The following BBS9 variants were observed in gnomAD, a reference collection of about 807,000 sequenced individuals.
BBS9 encodes the protein protein PTHB1.
BBS9 carries 89 observed loss-of-function variants against 117.7 expected under a neutral mutation model. The ratio of observed to expected loss-of-function variants is 0.76; its 90% CI spans 0.64 to 0.90. The LOEUF (loss-of-function observed/expected upper bound fraction) is 0.90, where lower values mean the gene tolerates loss of function less well. Among genes scored for constraint, BBS9 ranks in the 40% least tolerant of loss-of-function variants. The pLI is 0.00. For missense variants in BBS9, 982 were observed against 1,042.2 expected, an observed-to-expected ratio of 0.94 and a Z score of 0.80; for synonymous variants, 379 against 370.9, an observed-to-expected ratio of 1.02 and a Z score of -0.25.
At position 33,143,031 on chromosome 7, in the gene BBS9, G is replaced by A. The variant is rs181165657; in HGVS notation, c.-11-3211G>A. On this transcript the variant is annotated intron_variant, in intron 1 of 22. Coordinates refer to ENST00000242067, the MANE Select transcript of BBS9 (RefSeq NM_198428.3). Reference sequence around the variant, plus strand: ...GTCGCCCAGGCAGGAGTGCAGTGGCGCGATCTCGGCTCACTGCAACCTCTG... The same window carrying A: ...GTCGCCCAGGCAGGAGTGCAGTGGCACGATCTCGGCTCACTGCAACCTCTG... 3.0e-3 allele frequency among the ~76,000 whole-genome samples: 461 copies of A among 151,992 alleles called. 5 individuals carry two copies. Among genetic ancestry groups the A allele is most frequent in the African/African-American group, 0.01 (420 of 41,454 alleles).
At chr7:33,577,356 C>T (rs970905738) in intron 21 of BBS9, among the ~76,000 whole-genome samples, 1 of 152,162 alleles carries the variant, frequency 6.6e-6, no homozygotes, top group Non-Finnish European at 1.5e-5. Flanking sequence ...AATGATATAC[C>T]ATCTCACGCC....
chr7:33,187,266 A>G (rs1027758848), intron 5 of BBS9, among the ~76,000 whole-genome samples: 1 of 152,262 alleles, frequency 6.6e-6, no homozygotes, highest in Non-Finnish European at 1.5e-5. Context: ...TAGTCTATGT[A>G]GTATCAAGAT....
intron 21 of BBS9, among the ~76,000 whole-genome samples, chr7:33,627,263 T>C (rs1865687497): frequency 6.6e-6 from 1 of 152,190 alleles, no homozygotes; most frequent in Admixed American, 6.5e-5. Context: ...TTCCACACGA[T>C]GTTAGGCCTG....
At chr7:33,377,974 T>A (rs1441503165) in intron 17 of BBS9, among the ~76,000 whole-genome samples, 3 of 152,220 alleles carry the variant, frequency 2.0e-5, no homozygotes, top group Non-Finnish European at 4.4e-5. Flanking sequence ...ACTGTAGTAT[T>A]ATATATGAAT....
chr7:33,582,201 G>A (rs1289720851), intron 21 of BBS9, among the ~76,000 whole-genome samples: 1 of 152,104 alleles, frequency 6.6e-6, no homozygotes, highest in Non-Finnish European at 1.5e-5. Context: ...AGACATCTGA[G>A]TGGTTGTTGG....
intron 17 of BBS9, among the ~76,000 whole-genome samples, chr7:33,370,648 A>G (rs1341325925): frequency 6.6e-6 from 1 of 152,244 alleles, no homozygotes; most frequent in African/African-American, 2.4e-5. Flanking sequence ...GTGATTCAGT[A>G]TAATGGGATT....
At chr7:33,304,367 GCACC>G in intron 9 of BBS9, among the ~76,000 whole-genome samples, 4 of 140,364 alleles carry the variant, frequency 2.8e-5, no homozygotes, top group African/African-American at 1.2e-4. Flanking sequence ...GAGGTGAGGA[GCACC>G]TCTGCCCGGC....
At chr7:33,199,061 C>T (rs1389328395) in intron 5 of BBS9, among the ~76,000 whole-genome samples, 3 of 151,962 alleles carry the variant, frequency 2.0e-5, no homozygotes, top group Non-Finnish European at 2.9e-5. Flanking sequence ...AATTGATCAA[C>T]ACATAATATA....
intron 20 of BBS9, among the ~76,000 whole-genome samples, chr7:33,516,203 A>G (rs1847752995): frequency 6.6e-6 from 1 of 152,270 alleles, no homozygotes; most frequent in East Asian, 1.9e-4. Flanking sequence ...TAATTGATGG[A>G]ACATAGGCCG....
chr7:33,608,885 GT>G, downstream of BBS9, among the ~76,000 whole-genome samples: 1 of 68,476 alleles, frequency 1.5e-5, no homozygotes, highest in African/African-American at 2.1e-4. Context: ...ATCAATTTTT[GT>G]TTTTGTTGCA....
At chr7:33,524,284 C>T (rs1290922894) in intron 20 of BBS9, among the ~76,000 whole-genome samples, 1 of 151,840 alleles carries the variant, frequency 6.6e-6, no homozygotes, top group Admixed American at 6.6e-5. Flanking sequence ...AGGGAGGATT[C>T]CCTCTTTTTC....
At chr7:33,147,581 G>A (rs4723259) in intron 2 of BBS9, among the ~76,000 whole-genome samples, 24,016 of 151,986 alleles carry the variant, frequency 0.16, 2,072 homozygotes, top group South Asian at 0.22. Flanking sequence ...CTCTGCCCCC[G>A]CTATTTGTTA....
chr7:33,181,850 G>A lies in BBS9; in HGVS notation c.442+4259G>A, dbSNP rs575896641. On this transcript the variant is annotated intron_variant, in intron 5 of 22. Transcript: ENST00000242067. ...TGTAATCCCAGCACTTTGGGAGGCC[G>A]AGGCAGGCGGATCACGAGGTCAGGA... is the stretch of plus-strand genomic sequence containing the variant. Among the ~76,000 whole-genome samples, 265 of 152,324 alleles carry A rather than the reference G, an allele frequency of 1.7e-3. 1 individual carries two copies. The highest frequency in any genetic ancestry group is 6.0e-3 in the African/African-American group (251 of 41,566).
At chr7:33,483,284 T>G (rs1425383647) in intron 19 of BBS9, among the ~76,000 whole-genome samples, 1 of 152,186 alleles carries the variant, frequency 6.6e-6, no homozygotes, top group Non-Finnish European at 1.5e-5. Context: ...TTTGTACTCA[T>G]TACACTCAAA....
At chr7:33,555,864 G>A (rs768723077) in intron 21 of BBS9, among the ~76,000 whole-genome samples, 2 of 152,098 alleles carry the variant, frequency 1.3e-5, no homozygotes, top group Non-Finnish European at 2.9e-5. Context: ...AATGCTTATC[G>A]ATTAATTATT....
chr7:33,488,150 T>A (rs1843372276), intron 19 of BBS9, among the ~76,000 whole-genome samples: 1 of 152,208 alleles, frequency 6.6e-6, no homozygotes, highest in Non-Finnish European at 1.5e-5. Flanking sequence ...CATATTAATT[T>A]TTTTATGCTA....
intron 20 of BBS9, among the ~76,000 whole-genome samples, chr7:33,515,873 G>A (rs557965669): frequency 1.3e-5 from 2 of 152,334 alleles, no homozygotes; most frequent in African/African-American, 2.4e-5. Context: ...AGTCATGAAT[G>A]TTTGCCTCAC....
chr7:33,514,804 CTTAA>C (rs1847492888), intron 20 of BBS9, among the ~76,000 whole-genome samples: 1 of 152,058 alleles, frequency 6.6e-6, no homozygotes, highest in African/African-American at 2.4e-5. Flanking sequence ...GGTTTTGGTT[CTTAA>C]TTACTGATAT....
chr7:33,270,716 G>T (rs1186691147), intron 7 of BBS9, among the ~76,000 whole-genome samples: 2 of 152,182 alleles, frequency 1.3e-5, no homozygotes, highest in Admixed American at 6.5e-5. Context: ...ATTATGTAAA[G>T]AGACCAACTT....
Sources: gnomAD v4.1 joint callset for allele counts (sites outside exome capture counted in the v4.1 genomes callset) on GRCh38, gnomAD v4.1.1 for gene constraint, MANE v1.5 for transcripts, NCBI Gene and HGNC (gene_info 2026-07-23, HGNC 2026-07-21) for gene names.